SPTBN2: variants seen among roughly 807,000 people sequenced by gnomAD.
SPTBN2 encodes the protein spectrin beta, non-erythrocytic 2, also known as spectrin beta chain, non-erythrocytic 2.
In SPTBN2, 107 loss-of-function variants were observed where a neutral mutation model predicts 284.2. That is an observed-to-expected ratio of 0.38 (90% confidence interval 0.32 to 0.44). The LOEUF is 0.44. Ranked by LOEUF, SPTBN2 falls within the 20% of genes least tolerant of loss-of-function variation. The probability of loss-of-function intolerance (pLI) is 1.00; values close to 1 mark genes in which losing one functional copy is unlikely to be tolerated. For missense variants in SPTBN2, 2,569 were observed against 3,287.1 expected (o/e 0.78, Z 5.34); for synonymous variants, 1,289 against 1,354.8 (o/e 0.95, Z 1.07).
chr11:66,692,813 C>G, intron 25 of SPTBN2, 73 bp from the exon 26 acceptor site: 1 of 1,597,572 alleles, frequency 6.3e-7, no homozygotes, highest in East Asian at 2.2e-5. Context: ...TCTGTGGAGC[C>G]CTGTCCCTCT....
At chr11:66,689,966 TCA>T in intron 28 of SPTBN2, 23 bp from the exon 29 acceptor site, 1 of 1,613,376 alleles carries the variant, frequency 6.2e-7, no homozygotes. Flanking sequence ...AGAAACAGCA[TCA>T]CCTGCTGCCC....
At position 66,718,900 on chromosome 11, in the gene SPTBN2, C is replaced by T. The variant is rs1004557851; in HGVS notation, c.157+2184G>A. ...GGGGAGAGAGGCGGAGTGTGGCCGGCGGGGGCAGGGCCAGGCCCTGCGGGG... is the reference window on the plus strand; with the variant it reads ...GGGGAGAGAGGCGGAGTGTGGCCGGTGGGGGCAGGGCCAGGCCCTGCGGGG... On this transcript the variant is annotated intron_variant, in intron 3 of 37. Transcript: ENST00000533211. This position sits in a 1 kb window ranked among gnomAD's most constrained non-coding sequence, Gnocchi z 4.8. Among the ~76,000 whole-genome samples the T allele has an allele frequency of 6.6e-6, 1 of 152,144 alleles. No homozygotes were observed. Among genetic ancestry groups the T allele is most frequent in the Non-Finnish European group, 1.5e-5 (1 of 68,010 alleles).
chr11:66,707,635 G>T lies in SPTBN2; in HGVS notation c.1534C>A (p.Leu512Ile). 1.2e-6 allele frequency: 2 copies of T among 1,609,824 alleles called. No homozygotes were observed. Among genetic ancestry groups the T allele is most frequent in the East Asian group, 2.2e-5 (1 of 44,882 alleles). ...IAARQHNVAR[L>I]WDFLRQMVAA... ...ACCATCTGCCGCAAGAAGTCCCAGA[G>T]CCGTGCCACGTTGTGCTGCCGAGCG... The change falls in exon 13 of 38, where the codon CTC becomes ATC. Residue 512 changes from leucine (L) to isoleucine (I), a missense_variant. Leu to Ile is a conservative substitution (Grantham distance 5). Coordinates refer to ENST00000533211, the MANE Select transcript of SPTBN2 (RefSeq NM_006946.4). This position sits in a 1 kb window ranked among gnomAD's most constrained non-coding sequence, Gnocchi z 4.9.
At position 66,684,045 on chromosome 11, in the gene SPTBN2, G is replaced by A. The variant is rs1939950162; in HGVS notation, c.*1826C>T. Among the ~76,000 whole-genome samples the A allele has an allele frequency of 6.6e-6, 1 of 152,214 alleles. No individual in the cohort carries two copies. Among genetic ancestry groups the A allele is most frequent in the African/African-American group, 2.4e-5 (1 of 41,436 alleles). On this transcript the variant is annotated 3_prime_UTR_variant, in exon 38 of 38. Transcript: ENST00000533211. ...AGGCTCTCTGGTCTACCGGTTTGGA[G>A]CCCACTCTGGGGCTGTGATGTGCTA...
In SPTBN2 at chr11:66,699,504, T is replaced by C. The variant is rs754224313; in HGVS notation, c.3678A>G (p.Glu1226=). Reference sequence around the variant, plus strand: ...CAGCCTCCAGGAGCCCGTGGATCCGTTCCCCATTGGCGTCCATGGTGCTCA... The same window carrying C: ...CAGCCTCCAGGAGCCCGTGGATCCGCTCCCCATTGGCGTCCATGGTGCTCA... ...DFMSTMDANG[E]RIHGLLEAGR... The change falls in exon 18 of 38, where the codon GAA becomes GAG. Residue 1226 remains glutamate, a synonymous_variant. Transcript: ENST00000533211. The C allele has an allele frequency of 1.3e-5, 21 of 1,614,096 alleles. No individual in the cohort carries two copies. In the Admixed American group the frequency reaches 3.5e-4, roughly 27 times the overall value.
intron 15 of SPTBN2, among the ~76,000 whole-genome samples, chr11:66,703,844 G>A (rs1344482295): frequency 6.6e-6 from 1 of 151,968 alleles, no homozygotes. Context: ...GATTTATTCT[G>A]TAAATAAAAC....
At position 66,693,057 on chromosome 11, in the gene SPTBN2, A is replaced by G; in HGVS notation, c.4898T>C (p.Leu1633Pro). The G allele has an allele frequency of 1.2e-6, 2 of 1,613,988 alleles. No homozygotes were observed. The highest frequency in any genetic ancestry group is 1.7e-6 in the Non-Finnish European group (2 of 1,180,018). Residue 1633 changes from leucine (L) to proline (P), a missense_variant, in exon 25 of 38, where the codon CTG (leucine) becomes CCG (proline). Coordinates refer to ENST00000533211, the MANE Select transcript of SPTBN2 (RefSeq NM_006946.4). This position sits in a 1 kb window ranked among gnomAD's most constrained non-coding sequence, Gnocchi z 5.7. The stretch of plus-strand genomic sequence containing the variant: ...CGCGTAGTCGGCCAGGGCTTGCTCC[A>G]GCACCTGGTGCTTCTTCACCTCTGC... ...AQAEVKKHQV[L>P]EQALADYAQT...
intron 1 of SPTBN2, among the ~76,000 whole-genome samples, chr11:66,727,825 C>T (rs1442922242): frequency 6.6e-6 from 1 of 150,946 alleles, no homozygotes; most frequent in Non-Finnish European, 1.5e-5. Context: ...CCGTCCGCCC[C>T]GCAGCCCCGG....
intron 3 of SPTBN2, 84 bp from the exon 4 acceptor site, chr11:66,716,065 G>A (rs1036801741): frequency 1.4e-5 from 22 of 1,582,578 alleles, no homozygotes; most frequent in Middle Eastern, 2.2e-4. Flanking sequence ...GTGGGGGATG[G>A]AGAAGCCTGA....
chr11:66,698,417 G>A (rs1194838431), intron 20 of SPTBN2, among the ~76,000 whole-genome samples: 5 of 152,178 alleles, frequency 3.3e-5, no homozygotes, highest in Admixed American at 6.5e-5. Flanking sequence ...CTGCAGTTTC[G>A]CTACCTGCTA....
At chr11:66,725,489 G>C (rs546884054) in intron 1 of SPTBN2, among the ~76,000 whole-genome samples, 18 of 152,224 alleles carry the variant, frequency 1.2e-4, no homozygotes, top group Admixed American at 9.2e-4. Flanking sequence ...CTATGACCAG[G>C]GTCTCCATGC....
rs1940755923 is a variant in SPTBN2, at chr11:66,694,152, A to G, written c.4490T>C (p.Val1497Ala). The G allele has an allele frequency of 6.2e-7, 1 of 1,607,730 alleles. No homozygotes were observed. Among genetic ancestry groups the G allele is most frequent in the African/African-American group, 1.3e-5 (1 of 74,932 alleles). Residue 1497 changes from valine (V) to alanine (A), a missense_variant, in exon 22 of 38, where the codon GTG becomes GCG. By Grantham distance (64) the Val-to-Ala change is moderately conservative. Transcript: ENST00000533211. ...SREQHQFHRD[V>A]EDEILWVTER... ...CCAGTGACTCACAATCTCATCTTCC[A>G]CATCGCGGTGGAACTGGTGCTGCTC...
Position 66,682,570 on chromosome 11 carries a change from T to C in SPTBN2, c.*3301A>G, listed in dbSNP as rs1939859246. ...ATATTATTTCAACACATAATCAATATAAAAATTAAGGTATTTAAAGTTGTT... is the reference window on the plus strand; with the variant it reads ...ATATTATTTCAACACATAATCAATACAAAAATTAAGGTATTTAAAGTTGTT... On this transcript the variant is annotated 3_prime_UTR_variant, in exon 38 of 38. Transcript: ENST00000533211. Among the ~76,000 whole-genome samples, 1 of 152,186 alleles carries C rather than the reference T, an allele frequency of 6.6e-6. No individual in the cohort carries two copies. Among genetic ancestry groups the C allele is most frequent in the South Asian group, 2.1e-4 (1 of 4,826 alleles).
At position 66,700,145 on chromosome 11, in the gene SPTBN2, G is replaced by T. The variant is rs1277776802; in HGVS notation, c.3573+381C>A. Among the ~76,000 whole-genome samples the T allele has an allele frequency of 1.3e-5, 2 of 151,646 alleles. No homozygotes were observed. Among genetic ancestry groups the T allele is most frequent in the African/African-American group, 4.8e-5 (2 of 41,278 alleles). On this transcript the variant is annotated intron_variant, in intron 17 of 37. Transcript: ENST00000533211. The surrounding 1 kb of genome is among the most constrained non-coding windows in gnomAD (Gnocchi z 6.6). ...TAATTTTTTTTTTTCATAGAGATGG[G>T]GGTCTCACTATGTTGCCCAGGCTGG... is the stretch of plus-strand genomic sequence containing the variant.
intron 1 of SPTBN2, among the ~76,000 whole-genome samples, chr11:66,735,461 G>C (rs1033366823): frequency 6.6e-6 from 1 of 152,216 alleles, no homozygotes; most frequent in African/African-American, 2.4e-5. Flanking sequence ...TGTAGCCCTA[G>C]CACTTTGGGA....
chr11:66,713,641 C>T lies in SPTBN2; in HGVS notation c.762G>A (p.Leu254=). The part of the protein sequence containing the change: ...AEKELGLTKL[L]DPEDVNVDQP... ...TAGCTCTGGCCCCACCTTCGGGATCCAGCAGCTTGGTAAGTCCCAGTTCCT... is the reference window on the plus strand; with the variant it reads ...TAGCTCTGGCCCCACCTTCGGGATCTAGCAGCTTGGTAAGTCCCAGTTCCT... The change falls in exon 8 of 38, where the codon CTG becomes CTA. Residue 254 remains leucine (L), a synonymous_variant. Transcript: ENST00000533211. 6.2e-7 allele frequency: 1 copy of T among 1,613,824 alleles called. No homozygotes were observed. The highest frequency in any genetic ancestry group is 1.3e-5 in the African/African-American group (1 of 75,026).
In SPTBN2 at chr11:66,709,077, CTT is replaced by C. The variant is rs1370424028; in HGVS notation, c.1074-60_1074-59del. 7.9e-6 allele frequency: 11 copies of C among 1,396,566 alleles called. No individual in the cohort carries two copies. In the Admixed American group the frequency reaches 1.7e-4, roughly 21 times the overall value. The allele number at this position is 1,396,566 out of a possible 1,614,324, so 86.5% of individuals were successfully genotyped here. A position where few individuals can be genotyped will look rare whatever the true frequency, so the allele number is the denominator to read the frequency against. On this transcript the variant is annotated intron_variant, in intron 10 of 37. Coordinates refer to ENST00000533211, the MANE Select transcript of SPTBN2 (RefSeq NM_006946.4). ...AAAGCCCACGAGGGTCACAAGGACT[CTT>C]TACTCTTCCAAATGGGTGTCCTGTG...
Position 66,704,704 on chromosome 11 carries a change from G to A in SPTBN2, c.2572C>T (p.Leu858Phe). Residue 858 changes from leucine (L) to phenylalanine (F), a missense_variant, in exon 15 of 38, where the codon CTC (leucine) becomes TTC (phenylalanine). This residue lies in a region of SPTBN2 where 1,012 missense variants were observed against 1,248.9 expected (regional missense o/e 0.81). Coordinates refer to ENST00000533211, the MANE Select transcript of SPTBN2 (RefSeq NM_006946.4). ...LEAALALYTM[L>F]SEAGACGLWV... Reference sequence around the variant, plus strand: ...AGTCCACAGGCCCCGGCCTCGCTGAGCATGGTGTAGAGCGCCAGGGCTGCC... The same window carrying A: ...AGTCCACAGGCCCCGGCCTCGCTGAACATGGTGTAGAGCGCCAGGGCTGCC... 6.2e-7 allele frequency: 1 copy of A among 1,607,282 alleles called. No homozygotes were observed. Among genetic ancestry groups the A allele is most frequent in the Non-Finnish European group, 8.5e-7 (1 of 1,177,426 alleles).
At chr11:66,698,869 G>A in intron 19 of SPTBN2, 84 bp from the exon 20 acceptor site, 2 of 1,601,512 alleles carry the variant, frequency 1.2e-6, no homozygotes, top group South Asian at 2.2e-5. Context: ...CAGGAGAAGT[G>A]GGCGCCTTGG....
Sources: allele counts gnomAD v4.1 joint callset (sites outside exome capture counted in the v4.1 genomes callset), GRCh38; gene constraint gnomAD v4.1.1; regional missense constraint gnomAD v4.1.1; non-coding constraint Gnocchi (gnomAD v3.1); transcripts MANE v1.5; gene names NCBI Gene and HGNC (gene_info 2026-07-23, HGNC 2026-07-21).